Variants in ZNF652 observed in about 807,000 individuals in gnomAD.
ZNF652 encodes the protein zinc finger protein 652.
In ZNF652, 16 loss-of-function variants were observed where a neutral mutation model predicts 45.2. The observed-to-expected ratio is 0.35, with a 90% CI of 0.24 to 0.54. The LOEUF (loss-of-function observed/expected upper bound fraction) is 0.54, where lower values mean the gene tolerates loss of function less well. Among genes scored for constraint, ZNF652 ranks in the 20% least tolerant of loss-of-function variants. ZNF652 has a pLI of 0.91. For missense variants in ZNF652, 614 were observed against 765.6 expected (o/e 0.80, Z 2.34); for synonymous variants, 250 against 260.6 (o/e 0.96, Z 0.39).
At chr17:49,311,787 C>T (rs1300161051) in intron 4 of ZNF652, 140 bp downstream of exon 4, 1 of 671,548 alleles carries the variant, frequency 1.5e-6, no homozygotes, top group Non-Finnish European at 2.5e-6. Context: ...ACAGCGCACA[C>T]AGAGCTCAGA....
At chr17:49,361,740 C>A (rs1429802988) in intron 1 of ZNF652, among the ~76,000 whole-genome samples, 169 bp downstream of exon 1, 1 of 152,026 alleles carries the variant, frequency 6.6e-6, no homozygotes, top group Non-Finnish European at 1.5e-5. Flanking sequence ...GCGCCCGGGG[C>A]CTCCCAGCCG....
intron 5 of ZNF652, among the ~76,000 whole-genome samples, chr17:49,299,982 CCCT>C (rs2069530257): frequency 6.6e-6 from 1 of 151,980 alleles, no homozygotes; most frequent in African/African-American, 2.4e-5. Context: ...TAAGGCCCTG[CCCT>C]GTAAGCAATT....
chr17:49,359,057 T>C (rs2070366722), intron 1 of ZNF652, among the ~76,000 whole-genome samples: 2 of 152,192 alleles, frequency 1.3e-5, no homozygotes, highest in African/African-American at 4.8e-5. Context: ...GGTGTTTAAC[T>C]AGGTAAGTGA....
intron 1 of ZNF652, among the ~76,000 whole-genome samples, chr17:49,334,065 T>C (rs535487078): frequency 3.4e-4 from 52 of 152,174 alleles, no homozygotes; most frequent in South Asian, 1.0e-3. Flanking sequence ...ATACGAAAAC[T>C]TGTAAACAAA....
intron 1 of ZNF652, among the ~76,000 whole-genome samples, chr17:49,331,343 G>T (rs2070022951): frequency 6.6e-6 from 1 of 151,916 alleles, no homozygotes; most frequent in African/African-American, 2.4e-5. Flanking sequence ...GGATGGTCTC[G>T]ATCTCCTGAC....
At chr17:49,339,010 AAC>A (rs2070113944) in intron 1 of ZNF652, among the ~76,000 whole-genome samples, 1 of 152,090 alleles carries the variant, frequency 6.6e-6, no homozygotes, top group African/African-American at 2.4e-5. Flanking sequence ...CTCTGAAAAA[AAC>A]ACCAGACTTC....
At position 49,303,247 on chromosome 17, in the gene ZNF652, C is replaced by CTTTTTTTTTTTTTTTTTT. The variant is rs779042339; in HGVS notation, c.1310-4324_1310-4323insAAAAAAAAAAAAAAAAAA. Among the ~76,000 whole-genome samples, 185 of 121,740 alleles carry CTTTTTTTTTTTTTTTTTT rather than the reference C, an allele frequency of 1.5e-3. 8 individuals are homozygous for CTTTTTTTTTTTTTTTTTT. Among genetic ancestry groups the CTTTTTTTTTTTTTTTTTT allele is most frequent in the African/African-American group, 1.7e-3 (52 of 30,154 alleles). 79.9% of individuals were successfully genotyped at this position (121,740 alleles called of 152,430 possible). On this transcript the variant is annotated intron_variant, in intron 5 of 5. Transcript: ENST00000430262. The stretch of plus-strand genomic sequence containing the variant: ...GTGATGTTTTATTCTTTACGCTTAT[C>CTTTTTTTTTTTTTTTTTT]TTTTTTTTTTTGAGACAGGGTCTCA...
intron 1 of ZNF652, among the ~76,000 whole-genome samples, chr17:49,327,266 G>T (rs62076439): frequency 0.27 from 41,675 of 151,790 alleles, 6,993 homozygotes; most frequent in Non-Finnish European, 0.38. Context: ...GGGTTCAAGC[G>T]ATTCTCCTGC....
At chr17:49,315,494 C>T (rs1048054646) in intron 2 of ZNF652, among the ~76,000 whole-genome samples, 2 of 151,034 alleles carry the variant, frequency 1.3e-5, no homozygotes, top group African/African-American at 2.4e-5. Context: ...GATGAAGAAT[C>T]GTGAGGAAAG....
chr17:49,302,360 C>T (rs1160187570), intron 5 of ZNF652, among the ~76,000 whole-genome samples: 4 of 148,370 alleles, frequency 2.7e-5, no homozygotes, highest in African/African-American at 9.9e-5. Flanking sequence ...GCAATCTCGG[C>T]TCACTGCAAC....
At chr17:49,350,150 G>A (rs2070254679) in intron 1 of ZNF652, among the ~76,000 whole-genome samples, 1 of 152,102 alleles carries the variant, frequency 6.6e-6, no homozygotes. Flanking sequence ...CTATGGTTAT[G>A]ACTTTAACAA....
At chr17:49,312,269 G>T (rs1475424029) in intron 3 of ZNF652, among the ~76,000 whole-genome samples, 2 of 148,488 alleles carry the variant, frequency 1.3e-5, no homozygotes, top group Non-Finnish European at 3.0e-5. Context: ...GGGTTCAAGT[G>T]ATTATCCTGC....
chr17:49,352,850 C>T (rs1382619140), intron 1 of ZNF652, among the ~76,000 whole-genome samples: 1 of 152,142 alleles, frequency 6.6e-6, no homozygotes, highest in African/African-American at 2.4e-5. Context: ...ATCTCAGCAG[C>T]ATTACTATGA....
Position 49,295,336 on chromosome 17 carries a change from G to GA in ZNF652, c.*3076dup, listed in dbSNP as rs2069458039. 1 of 151,066 alleles carries GA rather than the reference G, an allele frequency of 6.6e-6. No individual in the cohort carries two copies. The highest frequency in any genetic ancestry group is 2.1e-4 in the South Asian group (1 of 4,804). 9.4% of individuals were successfully genotyped at this position (151,066 alleles called of 1,614,324 possible). On this transcript the variant is annotated 3_prime_UTR_variant, in exon 6 of 6. Coordinates refer to ENST00000430262, the MANE Select transcript of ZNF652 (RefSeq NM_001145365.3). ...CAAGGAAAGTATCCTTAATCTAGGG[G>GA]AAAAAAAGGAAGTTTCTAAATTGTT...
rs897300064 is a variant in ZNF652, at chr17:49,362,234, C to G, written c.-584G>C. On this transcript the variant is annotated 5_prime_UTR_variant, in exon 1 of 6. Coordinates refer to ENST00000430262, the MANE Select transcript of ZNF652 (RefSeq NM_001145365.3). ...GTGTGGATGTGTGTGCCGGAGGGGG[C>G]AGGGAGGGAGGCGAGCGGCGGCGAG... is the stretch of plus-strand genomic sequence containing the variant. The G allele has an allele frequency of 6.6e-5, 10 of 150,498 alleles. No individual in the cohort carries two copies. Among genetic ancestry groups the G allele is most frequent in the African/African-American group, 2.4e-4 (10 of 41,116 alleles). The allele number at this position is 150,498 out of a possible 1,614,324, so 9.3% of individuals were successfully genotyped here. A position where few individuals can be genotyped will look rare whatever the true frequency, so the allele number is the denominator to read the frequency against.
At chr17:49,355,556 GAC>G (rs2070326845) in intron 1 of ZNF652, among the ~76,000 whole-genome samples, 1 of 151,714 alleles carries the variant, frequency 6.6e-6, no homozygotes, top group Admixed American at 6.6e-5. Context: ...CAGCCTGGGT[GAC>G]AGAGTGAGAC....
In ZNF652 at chr17:49,295,431, T is replaced by TA. The variant is rs2069459888; in HGVS notation, c.*2981_*2982insT. 1 of 137,416 alleles carries TA rather than the reference T, an allele frequency of 7.3e-6. No individual in the cohort carries two copies. Among genetic ancestry groups the TA allele is most frequent in the African/African-American group, 2.5e-5 (1 of 40,406 alleles). The allele number at this position is 137,416 out of a possible 1,614,324, so 8.5% of individuals were successfully genotyped here. ...TTTTTAAAAATAATATATATATATA[T>TA]TTTTGTTTCTGTTAAGGATGGTGGT... On this transcript the variant is annotated 3_prime_UTR_variant, in exon 6 of 6. Transcript: ENST00000430262.
chr17:49,348,373 C>T (rs530417235), intron 1 of ZNF652, among the ~76,000 whole-genome samples: 1 of 151,688 alleles, frequency 6.6e-6, no homozygotes, highest in South Asian at 2.1e-4. Context: ...TGCCTCCCAG[C>T]TACTTGGGAG....
chr17:49,298,335 G>A lies in ZNF652; in HGVS notation c.*78C>T. The A allele has an allele frequency of 1.9e-6, 3 of 1,560,344 alleles. No homozygotes were observed. Among genetic ancestry groups the A allele is most frequent in the South Asian group, 1.2e-5 (1 of 83,684 alleles). On this transcript the variant is annotated 3_prime_UTR_variant, in exon 6 of 6. Coordinates refer to ENST00000430262, the MANE Select transcript of ZNF652 (RefSeq NM_001145365.3). ...GGCGGAGGAGAGTCTGAGAACTAAG[G>A]AAATGCTCACCGACTCCCTCTGTGC...
Sources: allele counts gnomAD v4.1 joint callset (sites outside exome capture counted in the v4.1 genomes callset), GRCh38; gene constraint gnomAD v4.1.1; transcripts MANE v1.5; gene names NCBI Gene and HGNC (gene_info 2026-07-23, HGNC 2026-07-21).